MX2: variants seen among roughly 807,000 people sequenced by gnomAD.
MX2 encodes the protein MX dynamin like GTPase 2, also known as interferon-induced GTP-binding protein Mx2.
In MX2, 51 loss-of-function variants were observed where a neutral mutation model predicts 74.0. The observed-to-expected ratio is 0.69, with a 90% CI of 0.55 to 0.87. The LOEUF (loss-of-function observed/expected upper bound fraction) is 0.87, where lower values mean the gene tolerates loss of function less well. MX2 is among the 40% of genes least tolerant of loss of function. MX2 has a pLI of 0.00. For missense variants in MX2, 832 were observed against 908.7 expected (o/e 0.92, Z 1.09); for synonymous variants, 369 against 339.3 (o/e 1.09, Z -0.96).
intron 13 of MX2, 89 bp from the exon 14 acceptor site, chr21:41,407,902 G>A (rs2089907737): frequency 6.5e-7 from 1 of 1,539,988 alleles, no homozygotes; most frequent in Admixed American, 1.8e-5. Flanking sequence ...GCAACCATGT[G>A]CGCATCCAGG....
In MX2 at chr21:41,390,284, A is replaced by G; in HGVS notation, c.733-281A>G. The G allele has an allele frequency of 5.0e-6, 2 of 400,578 alleles. 1 individual carries two copies. Among genetic ancestry groups the G allele is most frequent in the South Asian group, 5.1e-5 (2 of 38,874 alleles). 24.8% of individuals were successfully genotyped at this position (400,578 alleles called of 1,614,324 possible). On this transcript the variant is annotated intron_variant, in intron 5 of 13. Coordinates refer to ENST00000330714, the MANE Select transcript of MX2 (RefSeq NM_002463.2). ...CTCCAAGGCATCTCGGGTGAGATCT[A>G]GAGGGGAGGGAGGGGTTGTACTTGG... is the stretch of plus-strand genomic sequence containing the variant.
intron 1 of MX2, among the ~76,000 whole-genome samples, chr21:41,371,757 G>C (rs1343016978): frequency 6.6e-6 from 1 of 152,126 alleles, no homozygotes; most frequent in Non-Finnish European, 1.5e-5. Context: ...GCTCCTTAAG[G>C]AGCTGAGGCA....
intron 5 of MX2, among the ~76,000 whole-genome samples, chr21:41,389,285 T>C (rs2089624101): frequency 6.6e-6 from 1 of 151,176 alleles, no homozygotes; most frequent in Non-Finnish European, 1.5e-5. Flanking sequence ...GAGGCCGAGG[T>C]GAGCAGATTA....
chr21:41,386,345 C>A (rs936229750), intron 5 of MX2, among the ~76,000 whole-genome samples: 4 of 151,624 alleles, frequency 2.6e-5, no homozygotes, highest in Non-Finnish European at 5.9e-5. Context: ...ATAAGTGCTG[C>A]CTTCAAGAGA....
At chr21:41,391,208 G>C (rs112918545) in intron 6 of MX2, among the ~76,000 whole-genome samples, 1 of 152,014 alleles carries the variant, frequency 6.6e-6, no homozygotes, top group African/African-American at 2.4e-5. Flanking sequence ...AGATGGACCT[G>C]AGCATGTCAA....
rs367835831 is a variant in MX2 at position 41,402,101 on chromosome 21, G to A, written c.1546G>A (p.Ala516Thr). The part of the protein sequence containing the change: ...HQYIQQLVEP[A>T]LSMLQKAMEI... ...GTACATCCAGCAGCTGGTGGAGCCC[G>A]CCCTTAGCATGCTCCAGAAAGCCAT... Residue 516 changes from alanine to threonine, a missense_variant, in exon 11 of 14, where the codon GCC becomes ACC. Coordinates refer to ENST00000330714, the MANE Select transcript of MX2 (RefSeq NM_002463.2). The surrounding 1 kb of genome is among the most constrained non-coding windows in gnomAD (Gnocchi z 4.5). 1.7e-5 allele frequency: 27 copies of A among 1,613,856 alleles called. No individual in the cohort carries two copies. The highest frequency in any genetic ancestry group is 1.6e-4 in the Middle Eastern group (1 of 6,062).
Position 41,402,277 on chromosome 21 carries a change from T to A in MX2, c.1573+149T>A. On this transcript the variant is annotated intron_variant, in intron 11 of 13. Coordinates refer to ENST00000330714, the MANE Select transcript of MX2 (RefSeq NM_002463.2). This position sits in a 1 kb window ranked among gnomAD's most constrained non-coding sequence, Gnocchi z 4.5. ...CTAGATTGCTACTCTGTGTGGTCTGTGAGCCAGCAGCACTGGCAAGGCCTG... is the reference window on the plus strand; with the variant it reads ...CTAGATTGCTACTCTGTGTGGTCTGAGAGCCAGCAGCACTGGCAAGGCCTG... The A allele has an allele frequency of 1.1e-6, 1 of 940,276 alleles. No homozygotes were observed. Among genetic ancestry groups the A allele is most frequent in the Non-Finnish European group, 1.5e-6 (1 of 656,324 alleles). The allele number at this position is 940,276 out of a possible 1,614,324, so 58.2% of individuals were successfully genotyped here.
chr21:41,403,988 A>C, intron 12 of MX2: 1 of 221,924 alleles, frequency 4.5e-6, no homozygotes, highest in Middle Eastern at 1.8e-3. Context: ...CCACTTTCTC[A>C]GGGGCTGTGT....
Position 41,363,442 on chromosome 21 carries a change from C to T in MX2, c.-72+1387C>T, listed in dbSNP as rs1206482206. On this transcript the variant is annotated intron_variant, in intron 1 of 13. Transcript: ENST00000330714. The surrounding 1 kb of genome is among the most constrained non-coding windows in gnomAD (Gnocchi z 4.2). ...GTATGTGAGCTTTATTTAGGTTTAG[C>T]CCCTGCCCTAGAATGCAAGCTCCCC... 6 of 152,226 alleles carry T rather than the reference C, an allele frequency of 3.9e-5. No homozygotes were observed. Among genetic ancestry groups the T allele is most frequent in the African/African-American group, 1.2e-4 (5 of 41,412 alleles). The allele number at this position is 152,226 out of a possible 1,614,324, so 9.4% of individuals were successfully genotyped here.
Position 41,380,291 on chromosome 21 carries a change from T to G in MX2, c.577+140T>G. 1 of 1,157,616 alleles carries G rather than the reference T, an allele frequency of 8.6e-7. No homozygotes were observed. The highest frequency in any genetic ancestry group is 1.2e-6 in the Non-Finnish European group (1 of 824,426). 71.7% of individuals were successfully genotyped at this position (1,157,616 alleles called of 1,614,324 possible). A position where few individuals can be genotyped will look rare whatever the true frequency, so the allele number is the denominator to read the frequency against. On this transcript the variant is annotated intron_variant, in intron 4 of 13. Coordinates refer to ENST00000330714, the MANE Select transcript of MX2 (RefSeq NM_002463.2). This position sits in a 1 kb window ranked among gnomAD's most constrained non-coding sequence, Gnocchi z 4.3. ...GTGCTCCCACATGGGGCTGAACCCATTGCTGTCACCTCCACCATCCCTCCA... is the reference window on the plus strand; with the variant it reads ...GTGCTCCCACATGGGGCTGAACCCAGTGCTGTCACCTCCACCATCCCTCCA...
intron 5 of MX2, chr21:41,389,911 A>G (rs769625820): frequency 6.6e-6 from 1 of 152,218 alleles, no homozygotes; most frequent in Non-Finnish European, 1.5e-5. Context: ...TTTAAGGCAT[A>G]TGTTGCCTAC....
rs2089287217 is a variant in MX2, at chr21:41,368,468, T to G, written c.-72+6413T>G. 6.6e-6 allele frequency among the ~76,000 whole-genome samples: 1 copy of G among 152,080 alleles called. No individual in the cohort carries two copies. On this transcript the variant is annotated intron_variant, in intron 1 of 13. Transcript: ENST00000330714. This position sits in a 1 kb window ranked among gnomAD's most constrained non-coding sequence, Gnocchi z 4.6. The stretch of plus-strand genomic sequence containing the variant: ...GCAATGGGGAGGGGGACTGAGGGAA[T>G]TCTCATCCCCTACATGTCACCCCAC...
chr21:41,379,919 G>A (rs1046055045), intron 3 of MX2, 98 bp from the exon 4 acceptor site: 21 of 1,499,064 alleles, frequency 1.4e-5, no homozygotes, highest in African/African-American at 1.3e-4. Flanking sequence ...AAGTGCAGAC[G>A]AGGCCTTTGG....
rs2089288525 is a variant in MX2, at chr21:41,368,633, A to G, written c.-72+6578A>G. Among the ~76,000 whole-genome samples, 1 of 152,204 alleles carries G rather than the reference A, an allele frequency of 6.6e-6. No homozygotes were observed. The highest frequency in any genetic ancestry group is 2.1e-4 in the South Asian group (1 of 4,836). Reference sequence around the variant, plus strand: ...ATACGCTTAGCAAGACCTGCCCTTCATGAAAATGAGGGTGAGGGTGAGGGT... The same window carrying G: ...ATACGCTTAGCAAGACCTGCCCTTCGTGAAAATGAGGGTGAGGGTGAGGGT... On this transcript the variant is annotated intron_variant, in intron 1 of 13. Transcript: ENST00000330714. The surrounding 1 kb of genome is among the most constrained non-coding windows in gnomAD (Gnocchi z 4.6).
intron 6 of MX2, among the ~76,000 whole-genome samples, chr21:41,394,929 C>CA (rs200762155): frequency 0.077 from 10,683 of 139,470 alleles, 537 homozygotes; most frequent in South Asian, 0.22. Flanking sequence ...GACTCCATCT[C>CA]AAAAAAGAAA....
chr21:41,402,995 G>A lies in MX2; in HGVS notation c.1574-272G>A. On this transcript the variant is annotated intron_variant, in intron 11 of 13. Coordinates refer to ENST00000330714, the MANE Select transcript of MX2 (RefSeq NM_002463.2). This position sits in a 1 kb window ranked among gnomAD's most constrained non-coding sequence, Gnocchi z 4.5. The stretch of plus-strand genomic sequence containing the variant: ...GGAACTGGTCCAGCCTGGGAGTTGG[G>A]GACCCCTGATGTAAGGAATAGTCAG... 2.6e-6 allele frequency: 1 copy of A among 385,608 alleles called. No homozygotes were observed. The highest frequency in any genetic ancestry group is 2.5e-5 in the South Asian group (1 of 39,302). The allele number at this position is 385,608 out of a possible 1,614,324, so 23.9% of individuals were successfully genotyped here.
At chr21:41,362,750 CTTTT>C (rs56903696) in intron 1 of MX2, among the ~76,000 whole-genome samples, 12 of 82,166 alleles carry the variant, frequency 1.5e-4, no homozygotes, top group African/African-American at 4.4e-4. Flanking sequence ...GTTTTTTTTT[CTTTT>C]TTTTTTTTTT....
intron 6 of MX2, among the ~76,000 whole-genome samples, chr21:41,394,547 T>C (rs1370559056): frequency 6.6e-6 from 1 of 152,234 alleles, no homozygotes; most frequent in East Asian, 1.9e-4. Flanking sequence ...CATTCTTCTT[T>C]ATTTCTCGTA....
At chr21:41,385,742 G>A (rs530646088) in intron 5 of MX2, among the ~76,000 whole-genome samples, 14 of 152,202 alleles carry the variant, frequency 9.2e-5, no homozygotes, top group South Asian at 4.1e-4. Flanking sequence ...CTGGGGAGCC[G>A]TCATAACACA....
Sources: gnomAD v4.1 joint callset for allele counts (sites outside exome capture counted in the v4.1 genomes callset) on GRCh38, gnomAD v4.1.1 for gene constraint, Gnocchi (gnomAD v3.1) non-coding constraint, MANE v1.5 for transcripts, NCBI Gene and HGNC (gene_info 2026-07-23, HGNC 2026-07-21) for gene names.